Variants in PUDP observed in about 807,000 individuals in gnomAD.
The protein encoded by PUDP is pseudouridine-5'-phosphatase.
A neutral mutation model predicts 9.4 loss-of-function variants in PUDP; 8 were observed. The ratio of observed to expected loss-of-function variants is 0.85; its 90% CI spans 0.50 to 1.53. The LOEUF (loss-of-function observed/expected upper bound fraction) is 1.53, where lower values mean the gene tolerates loss of function less well. Ranked by LOEUF, PUDP falls within the 40% of genes most tolerant of loss-of-function variation. PUDP has a pLI of 0.00. For missense variants in PUDP, 188 were observed against 189.7 expected, an observed-to-expected ratio of 0.99 and a Z score of 0.05; for synonymous variants, 99 against 80.7, an observed-to-expected ratio of 1.23 and a Z score of -1.22.
intron 1 of PUDP, among the ~76,000 whole-genome samples, chrX:6,994,347 A>G (rs1324812892): frequency 8.9e-6 from 1 of 112,071 alleles, no homozygotes; most frequent in Non-Finnish European, 1.9e-5. Flanking sequence ...CAGGTGTTGG[A>G]GGCTATATGA....
intron 1 of PUDP, among the ~76,000 whole-genome samples, chrX:7,109,854 T>C (rs973646914): frequency 2.7e-5 from 3 of 112,809 alleles, no homozygotes; most frequent in Non-Finnish European, 5.6e-5. Context: ...GCTTGCAGCT[T>C]TAACATTGCT....
intron 3 of PUDP, among the ~76,000 whole-genome samples, chrX:6,745,317 A>G (rs965035529): frequency 1.8e-5 from 2 of 112,437 alleles, no homozygotes; most frequent in Non-Finnish European, 3.7e-5. Context: ...GGGGTCTTCT[A>G]TCTGCAGAAT....
chrX:6,751,575 C>G (rs780516942), intron 3 of PUDP, among the ~76,000 whole-genome samples: 21 of 111,611 alleles, frequency 1.9e-4, no homozygotes, highest in Admixed American at 2.9e-4. Context: ...CAGGTAGCCA[C>G]AATCCTATTA....
intron 3 of PUDP, among the ~76,000 whole-genome samples, chrX:6,967,633 T>G (rs1369305415): frequency 1.8e-5 from 2 of 111,362 alleles, no homozygotes. Flanking sequence ...GTCTCAGCAG[T>G]GGCCTTGGAA....
At chrX:6,743,567 C>T (rs760458905) in intron 3 of PUDP, among the ~76,000 whole-genome samples, 24 of 111,993 alleles carry the variant, frequency 2.1e-4, no homozygotes, top group Non-Finnish European at 4.1e-4. Flanking sequence ...GAATTTATAT[C>T]TGAAGCCATA....
At position 6,798,945 on chromosome X, in the gene PUDP, C is replaced by A. The variant is rs752734692; in HGVS notation, c.*248-92479G>T. ...TAACTGTAGGTTCACACCACCATGACCAGCTAATATTTTATTTTTTTGTAG... is the reference window on the plus strand; with the variant it reads ...TAACTGTAGGTTCACACCACCATGAACAGCTAATATTTTATTTTTTTGTAG... On this transcript the variant is annotated intron_variant and NMD_transcript_variant, in intron 3 of 3. Transcript: ENST00000655425. Among the ~76,000 whole-genome samples the A allele has an allele frequency of 6.3e-5, 7 of 111,404 alleles. No homozygotes were observed. The South Asian group carries it at 2.7e-3, about 42-fold the overall frequency.
At chrX:6,882,456 T>C (rs968639739) in intron 3 of PUDP, among the ~76,000 whole-genome samples, 5 of 111,909 alleles carry the variant, frequency 4.5e-5, no homozygotes. Context: ...TTGAATGTCA[T>C]GGCTGTCTGT....
intron 3 of PUDP, among the ~76,000 whole-genome samples, chrX:7,075,770 G>A (rs1930877873): frequency 8.9e-6 from 1 of 111,924 alleles, no homozygotes; most frequent in Admixed American, 9.5e-5. Context: ...ATTGGCCAAT[G>A]CCTTGCTTCC....
At chrX:7,107,243 G>C (rs1473555850) in intron 1 of PUDP, among the ~76,000 whole-genome samples, 1 of 112,072 alleles carries the variant, frequency 8.9e-6, no homozygotes, top group African/African-American at 3.2e-5. Flanking sequence ...AAGAAGTCCT[G>C]AAAAGAGCAG....
intron 3 of PUDP, among the ~76,000 whole-genome samples, chrX:6,921,369 G>A (rs1928020958): frequency 9.1e-6 from 1 of 109,669 alleles, no homozygotes; most frequent in African/African-American, 3.3e-5. Flanking sequence ...AGGCAACAGA[G>A]CAGGACCCTG....
chrX:6,835,086 G>A (rs549105792), intron 3 of PUDP, among the ~76,000 whole-genome samples: 3 of 111,341 alleles, frequency 2.7e-5, no homozygotes, highest in South Asian at 7.6e-4. Context: ...TTTGAGGGAA[G>A]ACCAGAGAAA....
At chrX:7,076,110 A>G (rs1930891042) in intron 3 of PUDP, among the ~76,000 whole-genome samples, 1 of 111,777 alleles carries the variant, frequency 8.9e-6, no homozygotes, top group Admixed American at 9.5e-5. Flanking sequence ...GGCTCAAGGT[A>G]GTAAGTTGCA....
At chrX:6,949,331 T>G (rs1928515063) in intron 3 of PUDP, among the ~76,000 whole-genome samples, 1 of 110,050 alleles carries the variant, frequency 9.1e-6, no homozygotes, top group African/African-American at 3.3e-5. Context: ...CAGATCTTTA[T>G]CACCTTGTGT....
intron 3 of PUDP, among the ~76,000 whole-genome samples, chrX:6,928,731 C>A (rs1014870968): frequency 2.7e-5 from 3 of 110,648 alleles, no homozygotes; most frequent in African/African-American, 9.9e-5. Context: ...CCGGTCTCTA[C>A]CAATAAAACA....
intron 3 of PUDP, among the ~76,000 whole-genome samples, chrX:6,768,087 A>T (rs1426638212): frequency 8.9e-6 from 1 of 112,005 alleles, no homozygotes; most frequent in East Asian, 2.8e-4. Context: ...CCACTTTTGC[A>T]GGTTAAGAAT....
chrX:6,930,907 G>A (rs1184542313), intron 3 of PUDP, among the ~76,000 whole-genome samples: 2 of 109,579 alleles, frequency 1.8e-5, no homozygotes, highest in African/African-American at 6.7e-5. Context: ...ACAAAATAGA[G>A]GGCACCCAGT....
chrX:6,978,126 C>G (rs1325494461), intron 2 of PUDP, among the ~76,000 whole-genome samples: 1 of 112,333 alleles, frequency 8.9e-6, no homozygotes, highest in African/African-American at 3.2e-5. Flanking sequence ...AATTCCATGG[C>G]TATGGGTTCA....
chrX:6,906,523 G>A (rs750283976), intron 3 of PUDP, among the ~76,000 whole-genome samples: 1 of 112,263 alleles, frequency 8.9e-6, no homozygotes, highest in African/African-American at 3.2e-5. Flanking sequence ...GCTTCTTGTC[G>A]AGAATCATCT....
At chrX:6,985,411 G>C (rs964563544) in intron 1 of PUDP, among the ~76,000 whole-genome samples, 2 of 111,294 alleles carry the variant, frequency 1.8e-5, no homozygotes, top group African/African-American at 6.5e-5. Flanking sequence ...AACTCATGGA[G>C]GTTTGGGGAG....
Sources: allele counts gnomAD v4.1 joint callset (sites outside exome capture counted in the v4.1 genomes callset), GRCh38; gene constraint gnomAD v4.1.1; transcripts MANE v1.5; gene names NCBI Gene and HGNC (gene_info 2026-07-23, HGNC 2026-07-21).